Variants in PSMG3 observed in about 807,000 individuals in gnomAD.
The protein encoded by PSMG3 is PAC-3.
Under a neutral mutation model 7.9 loss-of-function variants are expected in PSMG3, and 4 were observed. The ratio of observed to expected loss-of-function variants is 0.51; its 90% CI spans 0.25 to 1.16. PSMG3 has a LOEUF of 1.16. Ranked by LOEUF, PSMG3 falls within the 50% of genes most tolerant of loss-of-function variation. PSMG3 has a pLI of 0.15. For missense variants in PSMG3, 151 were observed against 157.4 expected, an observed-to-expected ratio of 0.96 and a Z score of 0.22; for synonymous variants, 81 against 69.8, an observed-to-expected ratio of 1.16 and a Z score of -0.80.
chr7:1,569,241 C>T lies in PSMG3; in HGVS notation c.99G>A (p.Leu33=). 2 of 1,613,744 alleles carry T rather than the reference C, an allele frequency of 1.2e-6. No individual in the cohort carries two copies. Among genetic ancestry groups the T allele is most frequent in the East Asian group, 2.2e-5 (1 of 44,890 alleles). The stretch of plus-strand genomic sequence containing the variant: ...TCTTCCCAAACTGGGTCACCACCAC[C>T]AGGATGTGACTGCTGAAGGCCGTAC... The part of the protein sequence containing the change: ...VVCTAFSSHI[L]VVVTQFGKMG... The change falls in exon 1 of 2, where the codon CTG becomes CTA. Residue 33 remains leucine, a synonymous_variant. Coordinates refer to ENST00000288607, the MANE Select transcript of PSMG3 (RefSeq NM_032302.4).
chr7:1,568,346 G>A (rs2128556962), intron 1 of PSMG3, among the ~76,000 whole-genome samples: 1 of 152,130 alleles, frequency 6.6e-6, no homozygotes, highest in Non-Finnish European at 1.5e-5. Flanking sequence ...CCCGGAAAAT[G>A]CTATCGCTGT....
At chr7:1,568,375 G>A (rs941528380) in intron 1 of PSMG3, among the ~76,000 whole-genome samples, 32 of 152,042 alleles carry the variant, frequency 2.1e-4, no homozygotes, top group African/African-American at 7.7e-4. Context: ...TTGTCCGCCA[G>A]ATGCCCCATG....
rs1236310863 is a variant in PSMG3, at chr7:1,569,442, G to A, written c.-103C>T. 3.1e-6 allele frequency: 3 copies of A among 980,782 alleles called. No individual in the cohort carries two copies. The highest frequency in any genetic ancestry group is 5.3e-5 in the East Asian group (2 of 37,658). 60.8% of individuals were successfully genotyped at this position (980,782 alleles called of 1,614,324 possible). ...CTTGGGGCTCCCAAAAAAGTAGCAC[G>A]GGGCATTGAAACGGAAACGCAAGGA... On this transcript the variant is annotated 5_prime_UTR_variant, in exon 1 of 2. Transcript: ENST00000288607.
rs1554290977 is a variant in PSMG3 at position 1,569,398 on chromosome 7, GTCAA to G, written c.-63_-60del. 7.1e-6 allele frequency: 10 copies of G among 1,416,646 alleles called. No homozygotes were observed. Among genetic ancestry groups the G allele is most frequent in the Non-Finnish European group, 9.6e-6 (10 of 1,043,914 alleles). The allele number at this position is 1,416,646 out of a possible 1,614,324, so 87.8% of individuals were successfully genotyped here. Reference sequence around the variant, plus strand: ...TTAAAAAGAAAGGGGAAAAAAAGGAGTCAATCAAACAGTACAGCCTTGGGGCTCC... The same window carrying G: ...TTAAAAAGAAAGGGGAAAAAAAGGAGTCAAACAGTACAGCCTTGGGGCTCC... On this transcript the variant is annotated 5_prime_UTR_variant, in exon 1 of 2. An upstream open reading frame in the 5' UTR loses its in-frame stop. Transcript: ENST00000288607.
intron 1 of PSMG3, 45 bp downstream of exon 1, chr7:1,569,079 T>C: frequency 6.4e-7 from 1 of 1,567,604 alleles, no homozygotes; most frequent in Non-Finnish European, 8.8e-7. Context: ...CTGAAAGTGC[T>C]AGGGTTACAG....
intron 1 of PSMG3, among the ~76,000 whole-genome samples, chr7:1,568,518 C>A (rs952368579): frequency 6.6e-6 from 1 of 151,280 alleles, no homozygotes; most frequent in African/African-American, 2.4e-5. Flanking sequence ...CAGGCTGGAG[C>A]GCAGTGGCAC....
Position 1,567,766 on chromosome 7 carries a change from C to G in PSMG3, c.301G>C (p.Val101Leu). 6.2e-7 allele frequency: 1 copy of G among 1,614,152 alleles called. No individual in the cohort carries two copies. The highest frequency in any genetic ancestry group is 8.5e-7 in the Non-Finnish European group (1 of 1,180,024). Residue 101 changes from valine (V) to leucine (L), a missense_variant, in exon 2 of 2, where the codon GTG becomes CTG. Coordinates refer to ENST00000288607, the MANE Select transcript of PSMG3 (RefSeq NM_032302.4). ...GNRAVLLAVA[V>L]KDKSMEGLKA... The stretch of plus-strand genomic sequence containing the variant: ...AGCCCCTCCATGCTTTTGTCCTTCA[C>G]GGCCACGGCGAGGAGGACTGCTCTG...
Position 1,567,571 on chromosome 7 carries a change from T to A in PSMG3, c.*127A>T, listed in dbSNP as rs981200680. 6.2e-5 allele frequency: 55 copies of A among 880,726 alleles called. No individual in the cohort carries two copies. In the Admixed American group the frequency reaches 6.6e-4, roughly 11 times the overall value. 54.6% of individuals were successfully genotyped at this position (880,726 alleles called of 1,614,324 possible). A position where few individuals can be genotyped will look rare whatever the true frequency, so the allele number is the denominator to read the frequency against. ...GTCTGCCTGAGACACGAGTCTTTTT[T>A]CCTGGCTCCAAGGGCTAGTGCCAAA... On this transcript the variant is annotated 3_prime_UTR_variant, in exon 2 of 2. Transcript: ENST00000288607.
At chr7:1,568,826 T>G (rs1778821781) in intron 1 of PSMG3, among the ~76,000 whole-genome samples, 1 of 152,154 alleles carries the variant, frequency 6.6e-6, no homozygotes, top group Non-Finnish European at 1.5e-5. Flanking sequence ...TTTTATATTT[T>G]TCGTAGAAAT....
In PSMG3 at chr7:1,569,229, G is replaced by C. The variant is rs1778831734; in HGVS notation, c.111C>G (p.Thr37=). Residue 37 remains threonine (T), a synonymous_variant, in exon 1 of 2, where the codon ACC becomes ACG. Coordinates refer to ENST00000288607, the MANE Select transcript of PSMG3 (RefSeq NM_032302.4). ...AFSSHILVVV[T]QFGKMGTLVS... is the part of the protein sequence containing the mutation. ...CCAGGGTGCCCATCTTCCCAAACTG[G>C]GTCACCACCACCAGGATGTGACTGC... The C allele has an allele frequency of 6.2e-7, 1 of 1,613,598 alleles. No individual in the cohort carries two copies. Among genetic ancestry groups the C allele is most frequent in the Non-Finnish European group, 8.5e-7 (1 of 1,180,032 alleles).
rs1457316714 is a variant in PSMG3 at position 1,569,616 on chromosome 7, A to AG, written c.-278_-277insC. The AG allele has an allele frequency of 9.6e-6, 3 of 313,988 alleles. No individual in the cohort carries two copies. The East Asian group carries it at 1.8e-4, about 19-fold the overall frequency. 19.5% of individuals were successfully genotyped at this position (313,988 alleles called of 1,614,324 possible). On this transcript the variant is annotated 5_prime_UTR_variant, in exon 1 of 2. It introduces an in-frame stop codon into an upstream open reading frame of the 5' UTR. Transcript: ENST00000288607. ...ACCCCCATCTCTACCAAAAAAAAAAAAAAAAAAAACCAGCAGGGCGCGCCT... is the reference window on the plus strand; with the variant it reads ...ACCCCCATCTCTACCAAAAAAAAAAAGAAAAAAAAACCAGCAGGGCGCGCCT...
chr7:1,568,614 C>T (rs1163633795), intron 1 of PSMG3, among the ~76,000 whole-genome samples: 3 of 151,604 alleles, frequency 2.0e-5, no homozygotes, highest in Non-Finnish European at 4.4e-5. Context: ...CACAGGCACA[C>T]ACCACTAGGC....
chr7:1,567,804 T>G lies in PSMG3; in HGVS notation c.263A>C (p.Gln88Pro). 1 of 1,614,174 alleles carries G rather than the reference T, an allele frequency of 6.2e-7. No individual in the cohort carries two copies. The highest frequency in any genetic ancestry group is 8.5e-7 in the Non-Finnish European group (1 of 1,180,012). Reference sequence around the variant, plus strand: ...GAGGACTGCTCTGTTTCCAGCTTCTTGAGACACAAACGCTACCAGGTTCTT... The same window carrying G: ...GAGGACTGCTCTGTTTCCAGCTTCTGGAGACACAAACGCTACCAGGTTCTT... Reference protein sequence around the residue: ...FAKNLVAFVSQEAGNRAVLLA... With the variant: ...FAKNLVAFVSPEAGNRAVLLA... The change falls in exon 2 of 2, where the codon CAA (glutamine) becomes CCA (proline). Residue 88 changes from glutamine to proline, a missense_variant. By Grantham distance (76) the Gln-to-Pro change is moderately conservative. Coordinates refer to ENST00000288607, the MANE Select transcript of PSMG3 (RefSeq NM_032302.4).
At position 1,569,484 on chromosome 7, in the gene PSMG3, G is replaced by C. The variant is rs1193211737; in HGVS notation, c.-145C>G. The stretch of plus-strand genomic sequence containing the variant: ...ACGCAAGGAGGCCCATTCAAAAGAA[G>C]GGGCCAGGCGCGGTGGCTCATGCCT... On this transcript the variant is annotated 5_prime_UTR_variant, in exon 1 of 2. Transcript: ENST00000288607. 1.5e-6 allele frequency: 1 copy of C among 679,068 alleles called. No homozygotes were observed. The highest frequency in any genetic ancestry group is 1.8e-5 in the African/African-American group (1 of 55,464). The allele number at this position is 679,068 out of a possible 1,614,324, so 42.1% of individuals were successfully genotyped here. A position where few individuals can be genotyped will look rare whatever the true frequency, so the allele number is the denominator to read the frequency against.
chr7:1,568,262 T>C (rs998133790), intron 1 of PSMG3, among the ~76,000 whole-genome samples: 1 of 151,930 alleles, frequency 6.6e-6, no homozygotes, highest in African/African-American at 2.4e-5. Flanking sequence ...TCTGCTTGTC[T>C]GCTGGATAAA....
chr7:1,568,152 G>A (rs928201286), intron 1 of PSMG3, among the ~76,000 whole-genome samples: 3 of 152,004 alleles, frequency 2.0e-5, no homozygotes, highest in Non-Finnish European at 2.9e-5. Flanking sequence ...GAGTGCTGTC[G>A]AATCTCACGT....
At position 1,569,114 on chromosome 7, in the gene PSMG3, T is replaced by C; in HGVS notation, c.216+10A>G. 1 of 1,612,058 alleles carries C rather than the reference T, an allele frequency of 6.2e-7. No homozygotes were observed. Among genetic ancestry groups the C allele is most frequent in the African/African-American group, 1.3e-5 (1 of 75,050 alleles). On this transcript the variant is annotated intron_variant, in intron 1 of 1. Transcript: ENST00000288607. ...GGCGTGAGCCACAGTTCCCGGCCAA[T>C]CCACTTTACCTCATCCTGCCCCAGA...
Position 1,569,548 on chromosome 7 carries a change from G to C in PSMG3, c.-209C>G. 4.8e-6 allele frequency: 2 copies of C among 412,570 alleles called. No individual in the cohort carries two copies. Among genetic ancestry groups the C allele is most frequent in the Non-Finnish European group, 8.7e-6 (2 of 228,604 alleles). 25.6% of individuals were successfully genotyped at this position (412,570 alleles called of 1,614,324 possible). On this transcript the variant is annotated 5_prime_UTR_variant, in exon 1 of 2. Coordinates refer to ENST00000288607, the MANE Select transcript of PSMG3 (RefSeq NM_032302.4). ...TTTGGGAGGCCGAGACAGGACGATCGTTGAGGCCAGGAATTCGAGACCAGC... is the reference window on the plus strand; with the variant it reads ...TTTGGGAGGCCGAGACAGGACGATCCTTGAGGCCAGGAATTCGAGACCAGC...
At chr7:1,568,027 C>A (rs571826494) in intron 1 of PSMG3, among the ~76,000 whole-genome samples, 177 bp from the exon 2 acceptor site, 1 of 152,234 alleles carries the variant, frequency 6.6e-6, no homozygotes, top group South Asian at 2.1e-4. Context: ...ACTCCAGTCA[C>A]GGGCACACTG....
Sources: gnomAD v4.1 joint callset for allele counts (sites outside exome capture counted in the v4.1 genomes callset) on GRCh38, gnomAD v4.1.1 for gene constraint, MANE v1.5 for transcripts, NCBI Gene and HGNC (gene_info 2026-07-23, HGNC 2026-07-21) for gene names.